The following CADPS2 variants were observed in gnomAD, a reference collection of about 807,000 sequenced individuals.
The protein encoded by CADPS2 is calcium dependent secretion activator 2.
CADPS2 carries 93 observed loss-of-function variants against 172.5 expected under a neutral mutation model. That is an observed-to-expected ratio of 0.54 (90% CI 0.46 to 0.64). CADPS2 has a LOEUF of 0.64. Among genes scored for constraint, CADPS2 ranks in the 30% least tolerant of loss-of-function variants. The pLI, the probability that CADPS2 is intolerant of heterozygous loss-of-function variation, is 0.00. For missense variants in CADPS2, 1,420 were observed against 1,565.9 expected (o/e 0.91, Z 1.57); for synonymous variants, 546 against 555.2 (o/e 0.98, Z 0.23).
chr7:122,568,697 A>C (rs1170018221), intron 7 of CADPS2, among the ~76,000 whole-genome samples: 1 of 152,132 alleles, frequency 6.6e-6, no homozygotes, highest in Non-Finnish European at 1.5e-5. Context: ...ACTAAAAATA[A>C]ATCAAAGACT....
At position 122,825,880 on chromosome 7, in the gene CADPS2, A is replaced by C. The variant is rs1006250395; in HGVS notation, c.339+60119T>G. On this transcript the variant is annotated intron_variant, in intron 1 of 29. Coordinates refer to ENST00000449022, the MANE Select transcript of CADPS2 (RefSeq NM_017954.11). ...TGCCCACGTCCCCTCCAGGCCAGCC[A>C]AGGTCAAGTGGGAGCGTAGAATTCT... is the stretch of plus-strand genomic sequence containing the variant. Among the ~76,000 whole-genome samples, 13 of 152,156 alleles carry C rather than the reference A, an allele frequency of 8.5e-5. 1 individual carries two copies. Among genetic ancestry groups the C allele is most frequent in the Admixed American group, 6.5e-4 (10 of 15,276 alleles).
chr7:122,649,898 ATTTTTTTTTTTTT>A lies in CADPS2; in HGVS notation c.786+13326_786+13338del, dbSNP rs71531909. 9.3e-3 allele frequency among the ~76,000 whole-genome samples: 483 copies of A among 52,046 alleles called. 8 individuals are homozygous for A. Among genetic ancestry groups the A allele is most frequent in the African/African-American group, 0.037 (468 of 12,570 alleles). 34.1% of individuals were successfully genotyped at this position (52,046 alleles called of 152,430 possible). A position where few individuals can be genotyped will look rare whatever the true frequency, so the allele number is the denominator to read the frequency against. ...TGACATTTTTCTTAAGTATTCAATG[ATTTTTTTTTTTTT>A]TTTTTTTTTTTTTTTTGAGAGAGTC... On this transcript the variant is annotated intron_variant, in intron 3 of 29. Coordinates refer to ENST00000449022, the MANE Select transcript of CADPS2 (RefSeq NM_017954.11).
At chr7:122,820,927 G>A (rs954011999) in intron 1 of CADPS2, among the ~76,000 whole-genome samples, 38 of 143,518 alleles carry the variant, frequency 2.6e-4, no homozygotes, top group African/African-American at 9.9e-4. Flanking sequence ...TACTTTTAGA[G>A]GCCCTCAAAA....
At chr7:122,331,695 C>T (rs2034981680) in intron 28 of CADPS2, among the ~76,000 whole-genome samples, 1 of 152,074 alleles carries the variant, frequency 6.6e-6, no homozygotes, top group African/African-American at 2.4e-5. Flanking sequence ...CTTATGATAA[C>T]TTTGATGAAG....
chr7:122,665,183 T>C (rs1472551177), intron 2 of CADPS2, among the ~76,000 whole-genome samples: 1 of 152,170 alleles, frequency 6.6e-6, no homozygotes, highest in Admixed American at 6.5e-5. Context: ...CTTCCACGCC[T>C]GTCTGCATGT....
At chr7:122,741,940 A>G (rs1562911743) in intron 1 of CADPS2, among the ~76,000 whole-genome samples, 1 of 152,180 alleles carries the variant, frequency 6.6e-6, no homozygotes, top group Non-Finnish European at 1.5e-5. Flanking sequence ...AAATTTTACC[A>G]GTTCGCTCCA....
chr7:122,757,956 C>T (rs984431407), intron 1 of CADPS2, among the ~76,000 whole-genome samples: 7 of 151,858 alleles, frequency 4.6e-5, no homozygotes, highest in African/African-American at 1.7e-4. Flanking sequence ...ACCATTATAA[C>T]TCTAGCTACG....
intron 28 of CADPS2, among the ~76,000 whole-genome samples, chr7:122,336,485 G>A: frequency 6.6e-6 from 1 of 152,196 alleles, no homozygotes; most frequent in Non-Finnish European, 1.5e-5. Flanking sequence ...TGAAATGCAA[G>A]CATGCAAAGT....
chr7:122,534,870 A>T (rs1218009488), intron 8 of CADPS2, among the ~76,000 whole-genome samples: 1 of 152,130 alleles, frequency 6.6e-6, no homozygotes, highest in Non-Finnish European at 1.5e-5. Context: ...GTTTCTGAGT[A>T]TGTGGCAATT....
At position 122,386,127 on chromosome 7, in the gene CADPS2, T is replaced by C. The variant is rs551718625; in HGVS notation, c.3312+899A>G. Among the ~76,000 whole-genome samples, 29 of 152,132 alleles carry C rather than the reference T, an allele frequency of 1.9e-4. No homozygotes were observed. In the East Asian group the frequency reaches 4.1e-3, roughly 21 times the overall value. On this transcript the variant is annotated intron_variant, in intron 24 of 29. Transcript: ENST00000449022. Reference sequence around the variant, plus strand: ...AGTGTTTTCATGAATCTTTGGACTATTGCTATGTTATTGTAAGCTGTTAGC... The same window carrying C: ...AGTGTTTTCATGAATCTTTGGACTACTGCTATGTTATTGTAAGCTGTTAGC...
intron 8 of CADPS2, among the ~76,000 whole-genome samples, chr7:122,538,593 G>A (rs1329503365): frequency 6.6e-6 from 1 of 151,746 alleles, no homozygotes; most frequent in Non-Finnish European, 1.5e-5. Flanking sequence ...GATAGTTCAA[G>A]GAGAAAAATA....
At position 122,441,868 on chromosome 7, in the gene CADPS2, C is replaced by T. The variant is rs79928323; in HGVS notation, c.2289-293G>A. Among the ~76,000 whole-genome samples the T allele has an allele frequency of 4.8e-4, 73 of 152,220 alleles. No homozygotes were observed. In the East Asian group the frequency reaches 0.012, roughly 26 times the overall value. ...AGAACCTCAAGGGTCATGAGTAAAG[C>T]GATAATATGCATTCTGCAATAATTT... On this transcript the variant is annotated intron_variant, in intron 15 of 29. Coordinates refer to ENST00000449022, the MANE Select transcript of CADPS2 (RefSeq NM_017954.11).
intron 27 of CADPS2, among the ~76,000 whole-genome samples, chr7:122,352,863 C>T (rs984757575): frequency 6.6e-6 from 1 of 152,158 alleles, no homozygotes; most frequent in Non-Finnish European, 1.5e-5. Context: ...AAATAAAAAG[C>T]TAATATTGTT....
intron 8 of CADPS2, among the ~76,000 whole-genome samples, chr7:122,553,917 T>C (rs2064661861): frequency 6.6e-6 from 1 of 152,098 alleles, no homozygotes; most frequent in Non-Finnish European, 1.5e-5. Flanking sequence ...GGCAATTCAT[T>C]TTATTCAAGA....
At chr7:122,779,288 C>A (rs377491340) in intron 1 of CADPS2, among the ~76,000 whole-genome samples, 3 of 152,132 alleles carry the variant, frequency 2.0e-5, no homozygotes, top group African/African-American at 7.2e-5. Flanking sequence ...TTAGGTGGGA[C>A]AGCTCTACTT....
chr7:122,655,349 T>C (rs2079620628), intron 3 of CADPS2, among the ~76,000 whole-genome samples: 2 of 152,202 alleles, frequency 1.3e-5, no homozygotes, highest in South Asian at 2.1e-4. Context: ...TGAATCGCTA[T>C]GCAAATTTCA....
intron 3 of CADPS2, among the ~76,000 whole-genome samples, chr7:122,640,388 A>T (rs902259909): frequency 6.6e-6 from 1 of 152,100 alleles, no homozygotes; most frequent in Admixed American, 6.6e-5. Context: ...GTATGGTTGG[A>T]AACTCTGTCA....
intron 2 of CADPS2, among the ~76,000 whole-genome samples, chr7:122,675,532 G>T (rs371963779): frequency 8.1e-4 from 123 of 152,264 alleles, no homozygotes; most frequent in African/African-American, 2.8e-3. Flanking sequence ...CATTCGGGTT[G>T]GTTCCAAGTC....
At chr7:122,715,133 T>G (rs1274106077) in intron 2 of CADPS2, among the ~76,000 whole-genome samples, 1 of 152,176 alleles carries the variant, frequency 6.6e-6, no homozygotes, top group Non-Finnish European at 1.5e-5. Context: ...ATGAAGCTAA[T>G]AGAGCTTATT....
Sources: gnomAD v4.1 joint callset for allele counts (sites outside exome capture counted in the v4.1 genomes callset) on GRCh38, gnomAD v4.1.1 for gene constraint, MANE v1.5 for transcripts, NCBI Gene and HGNC (gene_info 2026-07-23, HGNC 2026-07-21) for gene names.